The following GOSR2 variants were observed in gnomAD, a reference collection of about 807,000 sequenced individuals.
GOSR2 encodes the protein golgi SNAP receptor complex member 2.
Under a neutral mutation model 27.9 loss-of-function variants are expected in GOSR2, and 20 were observed. That is an observed-to-expected ratio of 0.72 (90% confidence interval 0.50 to 1.04). The LOEUF (loss-of-function observed/expected upper bound fraction) is 1.04. Ranked by LOEUF, GOSR2 falls within the 50% of genes least tolerant of loss-of-function variation. The probability of loss-of-function intolerance (pLI) is 0.00; values close to 1 mark genes in which losing one functional copy is unlikely to be tolerated. For synonymous variants in GOSR2, 91 were observed against 98.8 expected, an observed-to-expected ratio of 0.92 and a Z score of 0.47; for missense variants, 261 against 270.5, an observed-to-expected ratio of 0.97 and a Z score of 0.25.
At chr17:46,936,845 C>G (rs1481159947) in intron 5 of GOSR2, 4 of 984,034 alleles carry the variant, frequency 4.1e-6, no homozygotes, top group South Asian at 9.4e-5. Flanking sequence ...TGTAATTTCT[C>G]TGGCTGAGGC....
chr17:46,962,571 T>C (rs1411131495), intron 6 of GOSR2, among the ~76,000 whole-genome samples: 1 of 152,218 alleles, frequency 6.6e-6, no homozygotes, highest in Non-Finnish European at 1.5e-5. Context: ...ACATCAAGTA[T>C]AGCTATGCTG....
intron 6 of GOSR2, among the ~76,000 whole-genome samples, chr17:46,950,635 C>T (rs740617): frequency 0.45 from 67,636 of 151,896 alleles, 15,303 homozygotes; most frequent in South Asian, 0.52. Flanking sequence ...GGGAGATGAC[C>T]CCGAGCAGCA....
In GOSR2 at chr17:46,939,163, A is replaced by T; in HGVS notation, c.*403A>T. The T allele has an allele frequency of 1.8e-6, 2 of 1,106,954 alleles. No individual in the cohort carries two copies. Among genetic ancestry groups the T allele is most frequent in the Non-Finnish European group, 2.2e-6 (2 of 898,618 alleles). 68.6% of individuals were successfully genotyped at this position (1,106,954 alleles called of 1,614,324 possible). A position where few individuals can be genotyped will look rare whatever the true frequency, so the allele number is the denominator to read the frequency against. On this transcript the variant is annotated 3_prime_UTR_variant, in exon 6 of 6. Transcript: ENST00000640051. The stretch of plus-strand genomic sequence containing the variant: ...CCATCAGGCCTTTCTGGCTCCTGAT[A>T]GGGTGGAGCAAAAGTGGAAAGGAAA...
In GOSR2 at chr17:46,938,531, A is replaced by G. The variant is rs902890218; in HGVS notation, c.478-68A>G. On this transcript the variant is annotated intron_variant, in intron 5 of 5. Coordinates refer to ENST00000640051, the MANE Select transcript of GOSR2 (RefSeq NM_004287.5). ...TCTGTTGGCAAAGCTCCATCTCCTG[A>G]TGCCATTCACCCACTCTTGGTAAAG... 11 of 1,608,432 alleles carry G rather than the reference A, an allele frequency of 6.8e-6. No homozygotes were observed. The African/African-American group carries it at 1.2e-4, about 18-fold the overall frequency.
intron 6 of GOSR2, among the ~76,000 whole-genome samples, chr17:46,974,731 CTCA>C (rs2091429437): frequency 1.7e-5 from 1 of 60,236 alleles, no homozygotes; most frequent in Non-Finnish European, 3.9e-5. Context: ...AAGACTCTCT[CTCA>C]AAAAAAAAAA....
chr17:46,935,105 A>G lies in GOSR2; in HGVS notation c.413A>G (p.Asp138Gly), dbSNP rs2088076217. 2.5e-6 allele frequency: 4 copies of G among 1,613,658 alleles called. No homozygotes were observed. The highest frequency in any genetic ancestry group is 2.7e-5 in the African/African-American group (2 of 74,936). ...SSLQKVHNGM[D>G]DLILDGHNIL... is the part of the protein sequence containing the mutation. The stretch of plus-strand genomic sequence containing the variant: ...CTCCAGAAAGTTCACAACGGCATGG[A>G]TGACCTCATTTTAGATGGGCACAAT... The change falls in exon 5 of 6, where the codon GAT (aspartate) becomes GGT (glycine). Residue 138 changes from aspartate to glycine, a missense_variant. Transcript: ENST00000640051.
chr17:46,966,180 C>A (rs894497061), intron 6 of GOSR2, among the ~76,000 whole-genome samples: 11 of 152,172 alleles, frequency 7.2e-5, no homozygotes, highest in Admixed American at 3.3e-4. Context: ...GAAGTGCTCA[C>A]AAAAATGTTC....
intron 6 of GOSR2, among the ~76,000 whole-genome samples, chr17:46,954,933 T>C (rs1337221572): frequency 1.3e-5 from 2 of 152,214 alleles, no homozygotes; most frequent in African/African-American, 4.8e-5. Context: ...GACAGTGGGG[T>C]TTTCTAGATA....
chr17:46,944,486 T>G (rs944430928), downstream of GOSR2, among the ~76,000 whole-genome samples: 10 of 152,178 alleles, frequency 6.6e-5, no homozygotes, highest in Admixed American at 3.3e-4. Context: ...GCAGTGACCC[T>G]CAGCCTGGGC....
chr17:46,966,734 T>C, exon 7 of GOSR2: 1 of 471,518 alleles, frequency 2.1e-6, no homozygotes, highest in Middle Eastern at 2.8e-4. Flanking sequence ...ACTTGAGCAA[T>C]TTGTGCCTTG....
intron 1 of GOSR2, among the ~76,000 whole-genome samples, chr17:46,926,137 C>T (rs990798339): frequency 6.6e-6 from 1 of 152,094 alleles, no homozygotes; most frequent in African/African-American, 2.4e-5. Context: ...TTTTCCTGAA[C>T]AGCGGAGCTT....
downstream of GOSR2, among the ~76,000 whole-genome samples, chr17:46,969,555 T>C (rs1004212543): frequency 6.6e-6 from 1 of 152,210 alleles, no homozygotes; most frequent in Non-Finnish European, 1.5e-5. Context: ...ACGATCAGGC[T>C]TCCCTGCTCC....
Position 46,939,037 on chromosome 17 carries a change from A to ATGGCTTTGG in GOSR2, c.*286_*294dup, listed in dbSNP as rs1320117562. ...TCGCTCTCACTGGGGGAGGGAAAGA[A>ATGGCTTTGG]TGGCTTTGGTGGCTTTGTTCACATA... On this transcript the variant is annotated 3_prime_UTR_variant, in exon 6 of 6. Transcript: ENST00000640051. The ATGGCTTTGG allele has an allele frequency of 7.4e-6, 9 of 1,223,112 alleles. No homozygotes were observed. In the African/African-American group the frequency reaches 1.3e-4, roughly 18 times the overall value. The allele number at this position is 1,223,112 out of a possible 1,614,324, so 75.8% of individuals were successfully genotyped here.
chr17:46,967,726 T>TAGA (rs141285718), downstream of GOSR2, among the ~76,000 whole-genome samples: 5,525 of 152,056 alleles, frequency 0.036, 186 homozygotes, highest in African/African-American at 0.092. Flanking sequence ...GACAGTTCTG[T>TAGA]AGACAACAGA....
At position 46,940,700 on chromosome 17, in the gene GOSR2, G is replaced by C; in HGVS notation, c.*1940G>C. 6.2e-7 allele frequency: 1 copy of C among 1,608,470 alleles called. No individual in the cohort carries two copies. Among genetic ancestry groups the C allele is most frequent in the Non-Finnish European group, 8.5e-7 (1 of 1,179,380 alleles). ...GGACATCTTTTCGTGGTGTGCACCAGTGCTTTCCACACTTGACAGTGGTTG... is the reference window on the plus strand; with the variant it reads ...GGACATCTTTTCGTGGTGTGCACCACTGCTTTCCACACTTGACAGTGGTTG... On this transcript the variant is annotated 3_prime_UTR_variant, in exon 6 of 6. Coordinates refer to ENST00000640051, the MANE Select transcript of GOSR2 (RefSeq NM_004287.5).
chr17:46,940,536 A>G lies in GOSR2; in HGVS notation c.*1776A>G, dbSNP rs778355377. On this transcript the variant is annotated 3_prime_UTR_variant, in exon 6 of 6. Transcript: ENST00000640051. ...AATGGATTCTGAGACTGCGACGGCAAGGCTGTCCTGTCCCCCAGGCACCCA... is the reference window on the plus strand; with the variant it reads ...AATGGATTCTGAGACTGCGACGGCAGGGCTGTCCTGTCCCCCAGGCACCCA... 1 of 1,614,156 alleles carries G rather than the reference A, an allele frequency of 6.2e-7. No individual in the cohort carries two copies. The highest frequency in any genetic ancestry group is 1.1e-5 in the South Asian group (1 of 91,088).
Position 46,929,720 on chromosome 17 carries a change from A to G in GOSR2, c.94+136A>G, listed in dbSNP as rs1020914218. The stretch of plus-strand genomic sequence containing the variant: ...GAGTTTTGTTGTTAGGGTGGACAGA[A>G]AAACCCTATGGCAAAGTCACTGATT... On this transcript the variant is annotated intron_variant, in intron 2 of 5. Transcript: ENST00000640051. The G allele has an allele frequency of 2.0e-5, 13 of 660,174 alleles. No individual in the cohort carries two copies. The Middle Eastern group carries it at 1.2e-3, about 60-fold the overall frequency. 40.9% of individuals were successfully genotyped at this position (660,174 alleles called of 1,614,324 possible). A position where few individuals can be genotyped will look rare whatever the true frequency, so the allele number is the denominator to read the frequency against.
chr17:46,957,821 A>T (rs564242761), intron 6 of GOSR2, among the ~76,000 whole-genome samples: 1 of 152,312 alleles, frequency 6.6e-6, no homozygotes, highest in South Asian at 2.1e-4. Context: ...GACATGATAC[A>T]ATCAGTGCTA....
chr17:46,967,037 A>G (rs2091341570), downstream of GOSR2: 2 of 199,988 alleles, frequency 1.0e-5, no homozygotes, highest in Non-Finnish European at 2.0e-5. Flanking sequence ...TGTGTGTCCA[A>G]CAAAGGTTTG....
Sources: gnomAD v4.1 joint callset for allele counts (sites outside exome capture counted in the v4.1 genomes callset) on GRCh38, gnomAD v4.1.1 for gene constraint, MANE v1.5 for transcripts, NCBI Gene and HGNC (gene_info 2026-07-23, HGNC 2026-07-21) for gene names.